Variants in AGTPBP1 observed in about 807,000 individuals in gnomAD.
AGTPBP1 encodes ATP/GTP binding carboxypeptidase 1.
A neutral mutation model predicts 143.9 loss-of-function variants in AGTPBP1; 70 were observed. The observed-to-expected ratio is 0.49, with a 90% CI of 0.40 to 0.59. AGTPBP1 has a LOEUF of 0.59. Among genes scored for constraint, AGTPBP1 ranks in the 20% least tolerant of loss-of-function variants. AGTPBP1 has a pLI of 0.00. For missense variants in AGTPBP1, 1,229 were observed against 1,464.5 expected, an observed-to-expected ratio of 0.84 and a Z score of 2.62; for synonymous variants, 463 against 500.2, an observed-to-expected ratio of 0.93 and a Z score of 0.99.
the AGTPBP1 span, chr9:85,764,693 G>A: frequency 2.2e-5 from 22 of 989,754 alleles, no homozygotes; most frequent in African/African-American, 3.3e-4. Flanking sequence ...GTGTCTGGTG[G>A]GTTGTATCTT....
intron 1 of AGTPBP1, among the ~76,000 whole-genome samples, chr9:85,731,332 G>C: frequency 6.6e-6 from 1 of 152,122 alleles, no homozygotes; most frequent in Non-Finnish European, 1.5e-5. Context: ...ACAAGTGTTA[G>C]CAAGGATGTG....
At chr9:85,804,096 C>T in the AGTPBP1 span, among the ~76,000 whole-genome samples, 1 of 152,220 alleles carries the variant, frequency 6.6e-6, no homozygotes, top group South Asian at 2.1e-4. Flanking sequence ...ATTTCTGCTT[C>T]CCTTCACAGA....
chr9:85,591,230 G>A (rs201937543), intron 19 of AGTPBP1, among the ~76,000 whole-genome samples: 12 of 151,160 alleles, frequency 7.9e-5, no homozygotes, highest in East Asian at 1.9e-4. Context: ...GGTGAATCAC[G>A]GTAAGAATTT....
intron 12 of AGTPBP1, among the ~76,000 whole-genome samples, chr9:85,645,062 CCTCT>C (rs1403121738): frequency 6.6e-6 from 1 of 152,082 alleles, no homozygotes; most frequent in East Asian, 1.9e-4. Flanking sequence ...CCTGGCTCCA[CCTCT>C]TATAAACTAG....
rs906554479 is a variant in AGTPBP1 at position 85,741,936 on chromosome 9, G to A, written c.-195C>T. ...CGGCGGCGGCAGCTGCGGCGGCGGC[G>A]CTGGAGGCGGCGGAACCTGTCCGCA... On this transcript the variant is annotated 5_prime_UTR_variant, in exon 1 of 26. Transcript: ENST00000357081. The A allele has an allele frequency of 1.9e-5, 25 of 1,308,268 alleles. No homozygotes were observed. The highest frequency in any genetic ancestry group is 2.4e-5 in the Non-Finnish European group (25 of 1,033,082). 81.0% of individuals were successfully genotyped at this position (1,308,268 alleles called of 1,614,324 possible).
rs199636418 is a variant in AGTPBP1, at chr9:85,585,578, T to A, written c.3050A>T (p.His1017Leu). 6.2e-7 allele frequency: 1 copy of A among 1,605,602 alleles called. No homozygotes were observed. The highest frequency in any genetic ancestry group is 8.5e-7 in the Non-Finnish European group (1 of 1,176,534). The change falls in exon 23 of 26, where the codon CAT becomes CTT. Residue 1017 changes from histidine (H) to leucine (L), a missense_variant. Physicochemically the swap from His to Leu is moderately conservative, Grantham distance 99 (BLOSUM62 -3). Around this residue, in one of 2 missense-constraint regions of AGTPBP1, gnomAD observed 486 missense variants for 652.3 expected, o/e 0.75. Transcript: ENST00000357081. Reference sequence around the variant, plus strand: ...TACATTCTTCTTTCGGGAATGGCCATGATAATCACAATAAACCTTGAAAAT... The same window carrying A: ...TACATTCTTCTTTCGGGAATGGCCAAGATAATCACAATAAACCTTGAAAAT... ...KRLPLVYCDY[H>L]GHSRKKNVFM...
At chr9:85,769,732 G>C in the AGTPBP1 span, among the ~76,000 whole-genome samples, 14 of 151,448 alleles carry the variant, frequency 9.2e-5, no homozygotes, top group Admixed American at 9.2e-4. Flanking sequence ...TTTATTACTA[G>C]TTCTTAATAA....
chr9:85,719,393 G>A (rs1355540820), intron 1 of AGTPBP1, among the ~76,000 whole-genome samples: 1 of 152,136 alleles, frequency 6.6e-6, no homozygotes, highest in Non-Finnish European at 1.5e-5. Flanking sequence ...ACCCTTGTAT[G>A]TTGGATTCCT....
At chr9:85,770,238 A>C in the AGTPBP1 span, 1 of 1,249,348 alleles carries the variant, frequency 8.0e-7, no homozygotes, top group Admixed American at 1.8e-5. Context: ...GACAAAGTCA[A>C]AGTTATACTA....
the AGTPBP1 span, among the ~76,000 whole-genome samples, chr9:85,798,808 C>T: frequency 6.6e-6 from 1 of 152,108 alleles, no homozygotes. Context: ...CCTGTAGTCC[C>T]AGCTACTTGG....
chr9:85,655,137 T>G lies in AGTPBP1; in HGVS notation c.1087+6A>C, dbSNP rs1381167475. On this transcript the variant is annotated splice_donor_region_variant and intron_variant, in intron 11 of 25. Transcript: ENST00000357081. ...ACAAAAAGCAGCAGTGACCCTGTGA[T>G]CCTACCTTCAGGAGGTAAGCTGTAG... 1 of 1,604,092 alleles carries G rather than the reference T, an allele frequency of 6.2e-7. No individual in the cohort carries two copies. The highest frequency in any genetic ancestry group is 2.3e-5 in the East Asian group (1 of 44,430).
chr9:85,551,145 G>C (rs376519705), intron 25 of AGTPBP1, among the ~76,000 whole-genome samples: 1 of 152,028 alleles, frequency 6.6e-6, no homozygotes, highest in Non-Finnish European at 1.5e-5. Flanking sequence ...CCAAGCAGAC[G>C]GTGGCACCAT....
intron 22 of AGTPBP1, among the ~76,000 whole-genome samples, chr9:85,586,521 T>G (rs2133174695): frequency 6.6e-6 from 1 of 152,264 alleles, no homozygotes; most frequent in South Asian, 2.1e-4. Context: ...ACTTAACAGC[T>G]TCAGAGCTGA....
intron 3 of AGTPBP1, among the ~76,000 whole-genome samples, chr9:85,685,498 C>T (rs953942078): frequency 1.1e-4 from 17 of 151,804 alleles, no homozygotes; most frequent in African/African-American, 2.9e-4. Flanking sequence ...TGCTAAAAGA[C>T]GATGACGATG....
In AGTPBP1 at chr9:85,670,941, T is replaced by C. The variant is rs557920544; in HGVS notation, c.569-1363A>G. Among the ~76,000 whole-genome samples, 160 of 152,246 alleles carry C rather than the reference T, an allele frequency of 1.1e-3. 1 individual carries two copies. Among genetic ancestry groups the C allele is most frequent in the Middle Eastern group, 0.01 (3 of 292 alleles). ...TTATTTTTACATTTGGGGGTTTTTG[T>C]TGCATTGTTGTTGTTTTTGAGACAG... On this transcript the variant is annotated intron_variant, in intron 7 of 25. Coordinates refer to ENST00000357081, the MANE Select transcript of AGTPBP1 (RefSeq NM_001330701.2).
At chr9:85,727,664 TACAA>T (rs201925957) in intron 1 of AGTPBP1, among the ~76,000 whole-genome samples, 2,405 of 152,208 alleles carry the variant, frequency 0.016, 23 homozygotes, top group Non-Finnish European at 0.021. Context: ...TGGCCCAATC[TACAA>T]ACATTTGTTA....
intron 17 of AGTPBP1, among the ~76,000 whole-genome samples, chr9:85,616,478 ATAAAGTT>A (rs1830608044): frequency 6.6e-6 from 1 of 151,988 alleles, no homozygotes; most frequent in South Asian, 2.1e-4. Flanking sequence ...ATAGTTTTTA[ATAAAGTT>A]TAAAGTGTTA....
chr9:85,666,177 A>G (rs1450105598), intron 8 of AGTPBP1, among the ~76,000 whole-genome samples: 2 of 152,152 alleles, frequency 1.3e-5, no homozygotes, highest in African/African-American at 2.4e-5. Flanking sequence ...ATGAAGTGAC[A>G]TCTACTTTCA....
the AGTPBP1 span, among the ~76,000 whole-genome samples, chr9:85,761,762 A>G: frequency 6.6e-6 from 1 of 152,350 alleles, no homozygotes; most frequent in East Asian, 1.9e-4. Context: ...ACAAAAGCCA[A>G]AATTGACAAA....
Sources: allele counts gnomAD v4.1 joint callset (sites outside exome capture counted in the v4.1 genomes callset), GRCh38; gene constraint gnomAD v4.1.1; regional missense constraint gnomAD v4.1.1; transcripts MANE v1.5; gene names NCBI Gene and HGNC (gene_info 2026-07-23, HGNC 2026-07-21).